GRK4: variants seen among roughly 807,000 people sequenced by gnomAD.
The protein encoded by GRK4 is G protein-coupled receptor kinase 4, also known as G protein-coupled receptor kinase 2-like.
Under a neutral mutation model 77.9 loss-of-function variants are expected in GRK4, and 73 were observed. The ratio of observed to expected loss-of-function variants is 0.94; its 90% CI spans 0.78 to 1.14. The LOEUF is 1.14. GRK4 is among the 50% of genes most tolerant of loss of function. GRK4 has a pLI of 0.00. For synonymous variants in GRK4, 257 were observed against 254.4 expected (o/e 1.01, Z -0.10); for missense variants, 729 against 700.2 (o/e 1.04, Z -0.46).
At chr4:3,026,339 C>T (rs773274367) in intron 10 of GRK4, among the ~76,000 whole-genome samples, 2 of 152,094 alleles carry the variant, frequency 1.3e-5, no homozygotes, top group African/African-American at 4.8e-5. Context: ...TTTTAAGTTG[C>T]ATTTCTCAGT....
intron 12 of GRK4, among the ~76,000 whole-genome samples, chr4:3,029,946 A>G (rs913490283): frequency 1.3e-5 from 2 of 152,192 alleles, no homozygotes; most frequent in Non-Finnish European, 1.5e-5. Context: ...TCATGGTTTG[A>G]TTTCTCAAAT....
chr4:3,028,615 T>C (rs1738278300), intron 11 of GRK4, among the ~76,000 whole-genome samples: 1 of 152,240 alleles, frequency 6.6e-6, no homozygotes, highest in African/African-American at 2.4e-5. Context: ...TCTGTGGCAA[T>C]TCAGCTCATC....
At chr4:3,021,065 G>A (rs1735947813) in intron 9 of GRK4, among the ~76,000 whole-genome samples, 1 of 152,126 alleles carries the variant, frequency 6.6e-6, no homozygotes. Flanking sequence ...GGCCTGCTGT[G>A]GGACCTGATG....
At position 2,965,335 on chromosome 4, in the gene GRK4, A is replaced by G. The variant is rs148108008; in HGVS notation, c.52+1213A>G. Reference sequence around the variant, plus strand: ...TGTGCAATCCTCTGTCTCGGACCTCATGTCTCCCTTGCCTGCGTCTCAAGA... The same window carrying G: ...TGTGCAATCCTCTGTCTCGGACCTCGTGTCTCCCTTGCCTGCGTCTCAAGA... On this transcript the variant is annotated intron_variant, in intron 1 of 15. Coordinates refer to ENST00000398052, the MANE Select transcript of GRK4 (RefSeq NM_182982.3). The G allele has an allele frequency of 1.0e-3, 713 of 703,018 alleles. 6 individuals are homozygous for G. In the East Asian group the frequency reaches 0.018, roughly 18 times the overall value. 43.5% of individuals were successfully genotyped at this position (703,018 alleles called of 1,614,324 possible). A position where few individuals can be genotyped will look rare whatever the true frequency, so the allele number is the denominator to read the frequency against.
At chr4:2,995,316 C>T (rs1353070676) in intron 4 of GRK4, among the ~76,000 whole-genome samples, 5 of 151,926 alleles carry the variant, frequency 3.3e-5, no homozygotes, top group Non-Finnish European at 7.4e-5. Context: ...GGCTAGGATG[C>T]CCAGTTCAAG....
At position 2,968,982 on chromosome 4, in the gene GRK4, C is replaced by A. The variant is rs112670538; in HGVS notation, c.52+4860C>A. On this transcript the variant is annotated intron_variant, in intron 1 of 15. Transcript: ENST00000398052. ...GGAACCAGGCAGCTGGAATGACAGT[C>A]CCACCAAGACATACACCGTGGGGGA... 6.1e-4 allele frequency among the ~76,000 whole-genome samples: 93 copies of A among 151,744 alleles called. 1 individual carries two copies. The highest frequency in any genetic ancestry group is 2.0e-3 in the African/African-American group (82 of 41,358).
chr4:2,965,188 G>T (rs1430250377), intron 1 of GRK4: 2 of 676,942 alleles, frequency 3.0e-6, no homozygotes, highest in Non-Finnish European at 5.4e-6. Context: ...CCACTGAGCT[G>T]GTGCGTACCT....
intron 6 of GRK4, among the ~76,000 whole-genome samples, chr4:3,008,963 C>T (rs58892460): frequency 0.058 from 8,770 of 152,100 alleles, 436 homozygotes; most frequent in African/African-American, 0.13. Flanking sequence ...AACGTATATA[C>T]GTCATCTTCT....
chr4:3,038,851 A>G (rs1320143905), intron 15 of GRK4: 3 of 227,526 alleles, frequency 1.3e-5, no homozygotes, highest in South Asian at 1.0e-4. Context: ...CTCACAGTGC[A>G]TCTCTCCCTG....
At chr4:3,016,130 A>G (rs1734425188) in intron 8 of GRK4, among the ~76,000 whole-genome samples, 1 of 149,316 alleles carries the variant, frequency 6.7e-6, no homozygotes, top group Non-Finnish European at 1.5e-5. Flanking sequence ...GGCTGGTCTC[A>G]AACTCCTGAC....
chr4:2,982,291 G>C (rs756204445), intron 1 of GRK4, among the ~76,000 whole-genome samples: 1 of 152,226 alleles, frequency 6.6e-6, no homozygotes, highest in Non-Finnish European at 1.5e-5. Flanking sequence ...TGCCTGCCTC[G>C]CTGCTTGGAT....
rs145578236 is a variant in GRK4, at chr4:3,031,242, G to A, written c.1269+1833G>A. On this transcript the variant is annotated intron_variant, in intron 12 of 15. Coordinates refer to ENST00000398052, the MANE Select transcript of GRK4 (RefSeq NM_182982.3). ...GCCAGTGCAGCACAGCTGGGGAGAC[G>A]TGAGCAGGGCTGTGAACGGTCTCTT... Among the ~76,000 whole-genome samples the A allele has an allele frequency of 2.2e-4, 33 of 152,292 alleles. No individual in the cohort carries two copies. The East Asian group carries it at 3.3e-3, about 15-fold the overall frequency.
chr4:3,007,203 AAAC>A (rs1346880271), intron 5 of GRK4, among the ~76,000 whole-genome samples: 3 of 152,204 alleles, frequency 2.0e-5, no homozygotes, highest in Non-Finnish European at 2.9e-5. Flanking sequence ...CCCTGTCTCT[AAAC>A]AACAACAACA....
At chr4:3,009,843 T>C in intron 7 of GRK4, 132 bp downstream of exon 7, 1 of 564,662 alleles carries the variant, frequency 1.8e-6, no homozygotes, top group Non-Finnish European at 3.1e-6. Flanking sequence ...GGGAATAATC[T>C]TTGCCAACTG....
chr4:3,016,532 C>A lies in GRK4; in HGVS notation c.741+2704C>A, dbSNP rs1180086847. On this transcript the variant is annotated intron_variant, in intron 8 of 15. Coordinates refer to ENST00000398052, the MANE Select transcript of GRK4 (RefSeq NM_182982.3). Reference sequence around the variant, plus strand: ...GGGTGACAGAGTGAGACTCAATCTCCAAAAAAAAAAAAAAAAAAATTAGCC... The same window carrying A: ...GGGTGACAGAGTGAGACTCAATCTCAAAAAAAAAAAAAAAAAAAATTAGCC... Among the ~76,000 whole-genome samples, 647 of 76,740 alleles carry A rather than the reference C, an allele frequency of 8.4e-3. 1 individual carries two copies. The highest frequency in any genetic ancestry group is 0.024 in the Middle Eastern group (3 of 124). The allele number at this position is 76,740 out of a possible 152,430, so 50.3% of individuals were successfully genotyped here.
intron 4 of GRK4, among the ~76,000 whole-genome samples, chr4:2,996,540 G>A (rs1472271592): frequency 6.6e-6 from 1 of 151,866 alleles, no homozygotes; most frequent in African/African-American, 2.4e-5. Context: ...GGGTGACAGA[G>A]CGAGACTCTG....
At chr4:2,990,708 G>T (rs547749876) in intron 3 of GRK4, among the ~76,000 whole-genome samples, 1 of 152,236 alleles carries the variant, frequency 6.6e-6, no homozygotes, top group South Asian at 2.1e-4. Context: ...TCTTCCTTAC[G>T]TTAAAATAGC....
chr4:3,012,594 C>T (rs374732960), intron 7 of GRK4, among the ~76,000 whole-genome samples: 12 of 152,018 alleles, frequency 7.9e-5, no homozygotes, highest in South Asian at 4.2e-4. Context: ...TAAAGCAGTC[C>T]CCTGTGGGGT....
chr4:3,008,319 C>A (rs1053233494), intron 6 of GRK4, among the ~76,000 whole-genome samples: 10 of 152,144 alleles, frequency 6.6e-5, no homozygotes, highest in Non-Finnish European at 1.2e-4. Context: ...GGCAGTTAAA[C>A]CCTGCTCAGC....
Sources: allele counts gnomAD v4.1 joint callset (sites outside exome capture counted in the v4.1 genomes callset), GRCh38; gene constraint gnomAD v4.1.1; transcripts MANE v1.5; gene names NCBI Gene and HGNC (gene_info 2026-07-23, HGNC 2026-07-21).